The following CPEB3 variants were observed in gnomAD, a reference collection of about 807,000 sequenced individuals.
CPEB3 encodes cytoplasmic polyadenylation element binding protein 3.
A neutral mutation model predicts 67.2 loss-of-function variants in CPEB3; 20 were observed. That is an observed-to-expected ratio of 0.30 (90% confidence interval 0.21 to 0.43). The LOEUF (loss-of-function observed/expected upper bound fraction) is 0.43, where lower values mean the gene tolerates loss of function less well. CPEB3 is among the 20% of genes least tolerant of loss of function. The pLI, the probability that CPEB3 is intolerant of heterozygous loss-of-function variation, is 1.00. For synonymous variants in CPEB3, 376 were observed against 393.1 expected (o/e 0.96, Z 0.51); for missense variants, 746 against 968.6 (o/e 0.77, Z 3.05).
intron 1 of CPEB3, among the ~76,000 whole-genome samples, chr10:92,285,947 CTTT>C (rs11380868): frequency 7.0e-6 from 1 of 142,694 alleles, no homozygotes; most frequent in African/African-American, 2.6e-5. Flanking sequence ...TTGCTTTTTT[CTTT>C]TTTTTTTTTT....
At chr10:92,073,619 T>A (rs184511543) in intron 9 of CPEB3, among the ~76,000 whole-genome samples, 119 of 151,400 alleles carry the variant, frequency 7.9e-4, no homozygotes, top group East Asian at 3.7e-3. Flanking sequence ...AAAAAAAAAA[T>A]TTTTTTTTGG....
In CPEB3 at chr10:92,239,646, G is replaced by A; in HGVS notation, c.705C>T (p.Ala235=). 1 of 1,561,228 alleles carries A rather than the reference G, an allele frequency of 6.4e-7. No homozygotes were observed. Among genetic ancestry groups the A allele is most frequent in the Non-Finnish European group, 8.7e-7 (1 of 1,153,688 alleles). Residue 235 remains alanine (A), a synonymous_variant, in exon 2 of 10, where the codon GCC becomes GCT. Transcript: ENST00000265997. The surrounding 1 kb of genome is among the most constrained non-coding windows in gnomAD (Gnocchi z 6.0). Reference sequence around the variant, plus strand: ...TGTTCCAGCTGGACGAGGCCGACGAGGCGGCGGCTGCGGCAGCAGCGGCTG... The same window carrying A: ...TGTTCCAGCTGGACGAGGCCGACGAAGCGGCGGCTGCGGCAGCAGCGGCTG... ...AVAAAAAAAA[A]SSASSSWNTH...
chr10:92,207,112 A>T (rs1849829388), intron 2 of CPEB3, among the ~76,000 whole-genome samples: 2 of 152,070 alleles, frequency 1.3e-5, no homozygotes, highest in African/African-American at 4.8e-5. Flanking sequence ...CCTCCTGAGT[A>T]GCTGGGACCA....
chr10:92,122,818 A>G (rs1482971923), intron 6 of CPEB3, among the ~76,000 whole-genome samples: 2 of 152,262 alleles, frequency 1.3e-5, no homozygotes, highest in East Asian at 3.8e-4. Context: ...GAAAACATTG[A>G]AAACACGGAG....
At chr10:92,281,270 G>A (rs985621385) in intron 1 of CPEB3, among the ~76,000 whole-genome samples, 1 of 151,178 alleles carries the variant, frequency 6.6e-6, no homozygotes, top group South Asian at 2.1e-4. Context: ...GGTGCAGGAG[G>A]GGTTGGTAGA....
chr10:92,122,965 T>C (rs773816556), intron 6 of CPEB3, among the ~76,000 whole-genome samples: 8 of 152,250 alleles, frequency 5.3e-5, no homozygotes, highest in Non-Finnish European at 8.8e-5. Context: ...CAATATTTAC[T>C]GTGTGAGGCT....
chr10:92,206,193 T>C (rs1305766611), intron 2 of CPEB3, among the ~76,000 whole-genome samples: 1 of 151,646 alleles, frequency 6.6e-6, no homozygotes, highest in East Asian at 1.9e-4. Context: ...TGCCTCAGCC[T>C]CCCAAGTAGC....
chr10:92,276,310 C>CTTTTTTTTTTTTTTTT, intron 1 of CPEB3, among the ~76,000 whole-genome samples: 1 of 116,864 alleles, frequency 8.6e-6, no homozygotes, highest in Non-Finnish European at 1.7e-5. Context: ...TGGAGTTTTG[C>CTTTTTTTTTTTTTTTT]TCTTGTTGCC....
intron 9 of CPEB3, among the ~76,000 whole-genome samples, chr10:92,071,290 A>G (rs1533488): frequency 6.6e-6 from 1 of 152,216 alleles, no homozygotes; most frequent in South Asian, 2.1e-4. Context: ...TTTCTAGCGG[A>G]CAACATGACC....
chr10:92,093,709 G>C (rs1843721518), intron 7 of CPEB3, among the ~76,000 whole-genome samples: 2 of 152,054 alleles, frequency 1.3e-5, no homozygotes, highest in Admixed American at 1.3e-4. Context: ...CACCATGTTG[G>C]CCAGCTGGTC....
intron 1 of CPEB3, among the ~76,000 whole-genome samples, chr10:92,274,999 C>G (rs747301729): frequency 2.6e-5 from 4 of 152,096 alleles, no homozygotes; most frequent in Non-Finnish European, 5.9e-5. Flanking sequence ...AGGGCCGAAC[C>G]CATGAGAGCA....
chr10:92,119,218 TTC>T, intron 6 of CPEB3: 1 of 1,582,990 alleles, frequency 6.3e-7, no homozygotes, highest in South Asian at 1.1e-5. Flanking sequence ...TCACCCATCT[TTC>T]TGTTTGTCAC....
intron 6 of CPEB3, among the ~76,000 whole-genome samples, chr10:92,121,769 A>G (rs1845402001): frequency 1.3e-5 from 2 of 152,158 alleles, no homozygotes; most frequent in African/African-American, 4.8e-5. Context: ...ATTGAGACCA[A>G]CCCTAGAAGG....
chr10:92,260,077 G>C (rs972883094), intron 1 of CPEB3, among the ~76,000 whole-genome samples: 3 of 152,174 alleles, frequency 2.0e-5, no homozygotes, highest in Admixed American at 6.5e-5. Context: ...AAGACCAGGA[G>C]ATAGCTTGGA....
intron 4 of CPEB3, among the ~76,000 whole-genome samples, chr10:92,169,295 T>G (rs1847896893): frequency 6.6e-6 from 1 of 152,074 alleles, no homozygotes; most frequent in Non-Finnish European, 1.5e-5. Flanking sequence ...CCTGCCACCA[T>G]GCCCAGCTAA....
intron 3 of CPEB3, among the ~76,000 whole-genome samples, chr10:92,191,394 T>TA (rs1447101524): frequency 6.7e-6 from 1 of 148,784 alleles, no homozygotes; most frequent in Non-Finnish European, 1.5e-5. Flanking sequence ...AAATAAAAAA[T>TA]AAAAAAAATA....
At chr10:92,060,473 C>T (rs1261845869) in intron 9 of CPEB3, among the ~76,000 whole-genome samples, 1 of 152,074 alleles carries the variant, frequency 6.6e-6, no homozygotes, top group Non-Finnish European at 1.5e-5. Flanking sequence ...ATTTCTTGAG[C>T]AAAACCCCCC....
intron 1 of CPEB3, among the ~76,000 whole-genome samples, chr10:92,246,771 G>C (rs1223742802): frequency 6.6e-6 from 1 of 152,016 alleles, no homozygotes; most frequent in African/African-American, 2.4e-5. Context: ...GCCTCCCAAA[G>C]TGCTGGGATT....
chr10:92,234,298 AAAAATATGTAAAGT>A (rs1267045265), intron 2 of CPEB3, among the ~76,000 whole-genome samples: 8 of 152,192 alleles, frequency 5.3e-5, no homozygotes, highest in South Asian at 2.1e-4. Context: ...CATAATATTA[AAAAATATGTAAAGT>A]AAAATATGTA....
Sources: allele counts gnomAD v4.1 joint callset (sites outside exome capture counted in the v4.1 genomes callset), GRCh38; gene constraint gnomAD v4.1.1; non-coding constraint Gnocchi (gnomAD v3.1); transcripts MANE v1.5; gene names NCBI Gene and HGNC (gene_info 2026-07-23, HGNC 2026-07-21).